The following RAP1GDS1 variants were observed in gnomAD, a reference collection of about 807,000 sequenced individuals.
The protein encoded by RAP1GDS1 is RAP1, GTP-GDP dissociation stimulator 1.
In RAP1GDS1, 35 loss-of-function variants were observed where a neutral mutation model predicts 71.1. The ratio of observed to expected loss-of-function variants is 0.49; its 90% CI spans 0.38 to 0.65. The LOEUF (loss-of-function observed/expected upper bound fraction) is 0.65. Ranked by LOEUF, RAP1GDS1 falls within the 30% of genes least tolerant of loss-of-function variation. RAP1GDS1 has a pLI of 0.00. For missense variants in RAP1GDS1, 663 were observed against 706.1 expected (o/e 0.94, Z 0.69); for synonymous variants, 229 against 243.1 (o/e 0.94, Z 0.54).
chr4:98,306,120 A>T (rs1217822298), intron 2 of RAP1GDS1, among the ~76,000 whole-genome samples: 1 of 152,204 alleles, frequency 6.6e-6, no homozygotes, highest in African/African-American at 2.4e-5. Flanking sequence ...TAGTCTGTGG[A>T]CATATAATTG....
intron 2 of RAP1GDS1, among the ~76,000 whole-genome samples, chr4:98,329,537 C>T (rs1300613391): frequency 1.3e-5 from 2 of 152,104 alleles, no homozygotes; most frequent in East Asian, 3.9e-4. Flanking sequence ...TGCCTGTAAT[C>T]CCAACACTTT....
intron 12 of RAP1GDS1, among the ~76,000 whole-genome samples, chr4:98,421,946 C>T (rs1225375654): frequency 1.3e-5 from 2 of 151,892 alleles, no homozygotes; most frequent in Non-Finnish European, 2.9e-5. Context: ...ACCTGTAATC[C>T]CAGCACTTTG....
intron 5 of RAP1GDS1, among the ~76,000 whole-genome samples, chr4:98,382,833 A>G (rs1445206858): frequency 6.6e-6 from 1 of 151,590 alleles, no homozygotes; most frequent in African/African-American, 2.4e-5. Flanking sequence ...ATAAGTTAGA[A>G]CCATTACAAA....
intron 2 of RAP1GDS1, among the ~76,000 whole-genome samples, chr4:98,324,965 A>G (rs1732716149): frequency 6.6e-6 from 1 of 151,412 alleles, no homozygotes. Flanking sequence ...AAAAGAAACT[A>G]CCATCAGAGT....
chr4:98,409,772 T>C, intron 7 of RAP1GDS1: 1 of 454,266 alleles, frequency 2.2e-6, no homozygotes, highest in Admixed American at 2.3e-5. Context: ...AATAGGTGTT[T>C]TCAAGATAAA....
Position 98,412,792 on chromosome 4 carries a change from G to A in RAP1GDS1, c.764-3953G>A, listed in dbSNP as rs561640604. Among the ~76,000 whole-genome samples the A allele has an allele frequency of 7.6e-4, 115 of 152,210 alleles. 1 individual carries two copies. Among genetic ancestry groups the A allele is most frequent in the Non-Finnish European group, 8.1e-4 (55 of 68,016 alleles). Reference sequence around the variant, plus strand: ...GGTGACATCACATATCGGTAGGTCCGTGATGTCCCCTGAGCCACAAAACCA... The same window carrying A: ...GGTGACATCACATATCGGTAGGTCCATGATGTCCCCTGAGCCACAAAACCA... On this transcript the variant is annotated intron_variant, in intron 7 of 14. Transcript: ENST00000408927.
chr4:98,410,864 T>C (rs755979586), intron 7 of RAP1GDS1, among the ~76,000 whole-genome samples: 39 of 152,194 alleles, frequency 2.6e-4, no homozygotes, highest in Non-Finnish European at 3.2e-4. Flanking sequence ...GTGATTACCA[T>C]AATAACCAGG....
chr4:98,326,295 A>C (rs913231903), intron 2 of RAP1GDS1, among the ~76,000 whole-genome samples: 1 of 152,116 alleles, frequency 6.6e-6, no homozygotes, highest in African/African-American at 2.4e-5. Flanking sequence ...AGTTACATAA[A>C]ATTATTCATT....
At chr4:98,281,534 T>A (rs957502464) in intron 1 of RAP1GDS1, among the ~76,000 whole-genome samples, 18 of 152,186 alleles carry the variant, frequency 1.2e-4, no homozygotes, top group Admixed American at 1.2e-3. Flanking sequence ...TTTCTAAATA[T>A]ACAATCATGT....
chr4:98,388,161 A>G (rs957649089), intron 5 of RAP1GDS1, among the ~76,000 whole-genome samples: 1 of 152,118 alleles, frequency 6.6e-6, no homozygotes, highest in Non-Finnish European at 1.5e-5. Context: ...ACCGCCACCT[A>G]CTGAATTGTA....
chr4:98,320,279 A>C (rs1029307485), intron 2 of RAP1GDS1, among the ~76,000 whole-genome samples: 1 of 152,216 alleles, frequency 6.6e-6, no homozygotes, highest in Middle Eastern at 3.4e-3. Context: ...ATACTTACTC[A>C]TTTTTATTGG....
chr4:98,270,220 C>T (rs1723263571), intron 1 of RAP1GDS1, among the ~76,000 whole-genome samples: 1 of 152,106 alleles, frequency 6.6e-6, no homozygotes, highest in Non-Finnish European at 1.5e-5. Context: ...CCTCCCATTA[C>T]CTTCCAGTAC....
At chr4:98,323,001 T>A (rs1732223010) in intron 2 of RAP1GDS1, among the ~76,000 whole-genome samples, 1 of 149,012 alleles carries the variant, frequency 6.7e-6, no homozygotes, top group Admixed American at 6.6e-5. Context: ...TTTGAAAGGA[T>A]CAACAAAATT....
Position 98,392,050 on chromosome 4 carries a change from C to G in RAP1GDS1, c.607C>G (p.Leu203Val). ...CQNAALTEMC[L>V]VAFGNLAELE... Reference sequence around the variant, plus strand: ...AAATGCAGCTCTTACAGAAATGTGTCTTGTTGCATTTGGTAATTTAGCAGA... The same window carrying G: ...AAATGCAGCTCTTACAGAAATGTGTGTTGTTGCATTTGGTAATTTAGCAGA... The change falls in exon 6 of 15, where the codon CTT becomes GTT. Residue 203 changes from leucine to valine, a missense_variant. Transcript: ENST00000408927. 6.2e-7 allele frequency: 1 copy of G among 1,612,484 alleles called. No individual in the cohort carries two copies. Among genetic ancestry groups the G allele is most frequent in the Non-Finnish European group, 8.5e-7 (1 of 1,179,214 alleles).
chr4:98,334,661 T>C (rs1734448521), intron 2 of RAP1GDS1, among the ~76,000 whole-genome samples: 1 of 152,188 alleles, frequency 6.6e-6, no homozygotes, highest in Non-Finnish European at 1.5e-5. Flanking sequence ...GTGAGCACTA[T>C]ATAGTTCTTT....
chr4:98,358,934 A>G (rs1432584810), intron 4 of RAP1GDS1, among the ~76,000 whole-genome samples: 1 of 151,770 alleles, frequency 6.6e-6, no homozygotes, highest in East Asian at 1.9e-4. Flanking sequence ...AATTACTTCT[A>G]AATAAAAAGT....
At chr4:98,300,741 A>C (rs1728460448) in intron 2 of RAP1GDS1, among the ~76,000 whole-genome samples, 1 of 152,144 alleles carries the variant, frequency 6.6e-6, no homozygotes, top group Non-Finnish European at 1.5e-5. Context: ...ACCAAAAAAC[A>C]AAAAACAAAC....
intron 14 of RAP1GDS1, among the ~76,000 whole-genome samples, chr4:98,440,004 C>T (rs2110231173): frequency 1.3e-5 from 2 of 152,346 alleles, no homozygotes. Flanking sequence ...ATTTACCCCT[C>T]CCCACAGCCT....
chr4:98,321,231 A>T (rs1398209828), intron 2 of RAP1GDS1, among the ~76,000 whole-genome samples: 11 of 144,738 alleles, frequency 7.6e-5, no homozygotes, highest in African/African-American at 2.8e-4. Flanking sequence ...AAAAAGAATA[A>T]AAAGAAATGA....
Sources: gnomAD v4.1 joint callset for allele counts (sites outside exome capture counted in the v4.1 genomes callset) on GRCh38, gnomAD v4.1.1 for gene constraint, MANE v1.5 for transcripts, NCBI Gene and HGNC (gene_info 2026-07-23, HGNC 2026-07-21) for gene names.